DPYSL5: variants seen among roughly 807,000 people sequenced by gnomAD.
DPYSL5 encodes the protein dihydropyrimidinase like 5, also known as dihydropyrimidinase-related protein 5.
Under a neutral mutation model 58.4 loss-of-function variants are expected in DPYSL5, and 9 were observed. That is an observed-to-expected ratio of 0.15 (90% CI 0.09 to 0.27). The LOEUF (loss-of-function observed/expected upper bound fraction) is 0.27. DPYSL5 is among the 10% of genes least tolerant of loss of function. The pLI, the probability that DPYSL5 is intolerant of heterozygous loss-of-function variation, is 1.00. For missense variants in DPYSL5, 499 were observed against 770.6 expected (o/e 0.65, Z 4.17); for synonymous variants, 293 against 301.9 (o/e 0.97, Z 0.31).
intron 2 of DPYSL5, among the ~76,000 whole-genome samples, chr2:26,899,925 A>T (rs979339992): frequency 6.6e-6 from 1 of 152,084 alleles, no homozygotes; most frequent in African/African-American, 2.4e-5. Flanking sequence ...TGAAATGGGG[A>T]GCCCCATCCT....
At chr2:26,932,214 A>AAGAC (rs1665050472) in intron 6 of DPYSL5, among the ~76,000 whole-genome samples, 1 of 146,834 alleles carries the variant, frequency 6.8e-6, no homozygotes, top group African/African-American at 2.5e-5. Context: ...AAAGAAAAGA[A>AAGAC]AGAAAGAAAG....
intron 2 of DPYSL5, among the ~76,000 whole-genome samples, chr2:26,900,677 G>A (rs983085362): frequency 6.6e-6 from 1 of 152,204 alleles, no homozygotes; most frequent in Non-Finnish European, 1.5e-5. Flanking sequence ...TTCCAGACTG[G>A]TTGTAACAAT....
At chr2:26,929,420 C>T (rs1383609610) in intron 5 of DPYSL5, among the ~76,000 whole-genome samples, 1 of 152,090 alleles carries the variant, frequency 6.6e-6, no homozygotes. Context: ...TTAGTAGAGA[C>T]GGGGTTTCAC....
At chr2:26,886,285 C>T (rs927520284) in intron 1 of DPYSL5, among the ~76,000 whole-genome samples, 1 of 152,056 alleles carries the variant, frequency 6.6e-6, no homozygotes, top group Non-Finnish European at 1.5e-5. Context: ...AAACTAGATA[C>T]CTTTGAGAAG....
At position 26,849,142 on chromosome 2, in the gene DPYSL5, A is replaced by C; in HGVS notation, c.-5+888A>C. Among the ~76,000 whole-genome samples, 1 of 51,268 alleles carries C rather than the reference A, an allele frequency of 2.0e-5. No individual in the cohort carries two copies. The highest frequency in any genetic ancestry group is 2.3e-4 in the Admixed American group (1 of 4,402). The allele number at this position is 51,268 out of a possible 152,430, so 33.6% of individuals were successfully genotyped here. A position where few individuals can be genotyped will look rare whatever the true frequency, so the allele number is the denominator to read the frequency against. On this transcript the variant is annotated intron_variant, in intron 1 of 12. Transcript: ENST00000288699. The surrounding 1 kb of genome is among the most constrained non-coding windows in gnomAD (Gnocchi z 6.2). ...AACTAGGGTTTGAGGAGGAAAGAGA[A>C]GGGGCGGGGGCGGGTCCGAAGAACG... is the stretch of plus-strand genomic sequence containing the variant.
intron 1 of DPYSL5, among the ~76,000 whole-genome samples, chr2:26,883,899 C>T (rs1663639328): frequency 6.6e-6 from 1 of 152,182 alleles, no homozygotes; most frequent in South Asian, 2.1e-4. Context: ...AAAATACATC[C>T]TTTCCTCCTG....
At chr2:26,918,190 G>A (rs1302061478) in intron 2 of DPYSL5, among the ~76,000 whole-genome samples, 2 of 151,310 alleles carry the variant, frequency 1.3e-5, no homozygotes, top group East Asian at 3.9e-4. Context: ...CTAAATGTAG[G>A]GCCTTGTGCA....
chr2:26,848,750 T>C (rs973284718), intron 1 of DPYSL5, among the ~76,000 whole-genome samples: 2 of 152,122 alleles, frequency 1.3e-5, no homozygotes, highest in Admixed American at 6.5e-5. Flanking sequence ...AGCTGGGATC[T>C]GCCCAGCCTG....
rs754739729 is a variant in DPYSL5, at chr2:26,927,288, G to C, written c.456G>C (p.Lys152Asn). 1.9e-6 allele frequency: 3 copies of C among 1,614,118 alleles called. No homozygotes were observed. The Admixed American group carries it at 5.0e-5, about 27-fold the overall frequency. ...AAATGGAGACACTGGTGAGGGAGAA[G>C]GGTGTCAACTCGTTCCAGATGTTCA... The part of the protein sequence containing the change: ...KAEMETLVRE[K>N]GVNSFQMFMT... Residue 152 changes from lysine (K) to asparagine (N), a missense_variant, in exon 4 of 13, where the codon AAG becomes AAC. Transcript: ENST00000288699. The surrounding 1 kb of genome is among the most constrained non-coding windows in gnomAD (Gnocchi z 4.3).
rs1664863957 is a variant in DPYSL5, at chr2:26,927,796, C to T, written c.600+364C>T. Among the ~76,000 whole-genome samples, 1 of 152,190 alleles carries T rather than the reference C, an allele frequency of 6.6e-6. No individual in the cohort carries two copies. The highest frequency in any genetic ancestry group is 1.5e-5 in the Non-Finnish European group (1 of 68,038). ...TAAGAATCCGCTTCCCATTTGGCCT[C>T]TTCAGAGGATCTGAGACATTAAAGA... On this transcript the variant is annotated intron_variant, in intron 4 of 12. Transcript: ENST00000288699. This position sits in a 1 kb window ranked among gnomAD's most constrained non-coding sequence, Gnocchi z 4.3.
chr2:26,940,199 TC>T (rs1347370137), intron 9 of DPYSL5, 27 bp downstream of exon 9: 1 of 1,611,460 alleles, frequency 6.2e-7, no homozygotes, highest in African/African-American at 1.3e-5. Context: ...CCCGCCCCGA[TC>T]TGATCCCTGC....
intron 1 of DPYSL5, among the ~76,000 whole-genome samples, chr2:26,851,895 T>G (rs948212455): frequency 2.6e-5 from 4 of 152,008 alleles, no homozygotes; most frequent in Non-Finnish European, 4.4e-5. Context: ...TGCAGTGAGC[T>G]GAGATCGTGC....
At chr2:26,943,474 G>C (rs2148177638) in intron 11 of DPYSL5, among the ~76,000 whole-genome samples, 1 of 152,238 alleles carries the variant, frequency 6.6e-6, no homozygotes, top group South Asian at 2.1e-4. Context: ...TGTTGCTCGG[G>C]TTGCTTTCAA....
chr2:26,882,455 G>GTGTC (rs1477087016), intron 1 of DPYSL5, among the ~76,000 whole-genome samples: 1 of 150,040 alleles, frequency 6.7e-6, no homozygotes, highest in Non-Finnish European at 1.5e-5. Flanking sequence ...GTGTGTGTGT[G>GTGTC]TATGTGTGTG....
intron 2 of DPYSL5, among the ~76,000 whole-genome samples, chr2:26,900,018 C>G (rs1428614062): frequency 1.3e-5 from 2 of 152,190 alleles, no homozygotes; most frequent in Non-Finnish European, 2.9e-5. Flanking sequence ...GCTCACCATC[C>G]TCAGGCACTG....
In DPYSL5 at chr2:26,944,524, C is replaced by T; in HGVS notation, c.1441-132C>T. The T allele has an allele frequency of 9.9e-7, 1 of 1,005,696 alleles. No homozygotes were observed. 62.3% of individuals were successfully genotyped at this position (1,005,696 alleles called of 1,614,324 possible). A position where few individuals can be genotyped will look rare whatever the true frequency, so the allele number is the denominator to read the frequency against. On this transcript the variant is annotated intron_variant, in intron 11 of 12. Coordinates refer to ENST00000288699, the MANE Select transcript of DPYSL5 (RefSeq NM_020134.4). This position sits in a 1 kb window ranked among gnomAD's most constrained non-coding sequence, Gnocchi z 4.4. ...CTCAATGTTTAAGAAGCCTTGGTCA[C>T]TTGCAGTGATTTGGGTCTTGGGCAG...
In DPYSL5 at chr2:26,878,769, T is replaced by C. The variant is rs563451255; in HGVS notation, c.-4-19727T>C. Among the ~76,000 whole-genome samples, 11 of 152,318 alleles carry C rather than the reference T, an allele frequency of 7.2e-5. No individual in the cohort carries two copies. The East Asian group carries it at 2.1e-3, about 29-fold the overall frequency. ...TGAAGGATTCAGCCGCTGTCCACTT[T>C]CCACCCTCATGCATCCAATGCACCA... is the stretch of plus-strand genomic sequence containing the variant. On this transcript the variant is annotated intron_variant, in intron 1 of 12. Coordinates refer to ENST00000288699, the MANE Select transcript of DPYSL5 (RefSeq NM_020134.4).
At chr2:26,909,870 A>T (rs545289086) in intron 2 of DPYSL5, among the ~76,000 whole-genome samples, 2 of 148,228 alleles carry the variant, frequency 1.3e-5, no homozygotes, top group Admixed American at 6.7e-5. Flanking sequence ...AGCCACCTTT[A>T]AAAAAAAAAG....
intron 2 of DPYSL5, among the ~76,000 whole-genome samples, chr2:26,912,659 A>T (rs1458621263): frequency 6.6e-6 from 1 of 152,246 alleles, no homozygotes; most frequent in Non-Finnish European, 1.5e-5. Flanking sequence ...TGGAAACCGC[A>T]TGTCGGGAGC....
Sources: allele counts gnomAD v4.1 joint callset (sites outside exome capture counted in the v4.1 genomes callset), GRCh38; gene constraint gnomAD v4.1.1; non-coding constraint Gnocchi (gnomAD v3.1); transcripts MANE v1.5; gene names NCBI Gene and HGNC (gene_info 2026-07-23, HGNC 2026-07-21).